The following WWOX variants were observed in gnomAD, a reference collection of about 807,000 sequenced individuals.
WWOX encodes the protein WW domain containing oxidoreductase.
In WWOX, 69 loss-of-function variants were observed where a neutral mutation model predicts 46.2. The ratio of observed to expected loss-of-function variants is 1.49; its 90% CI spans 1.23 to 1.82. The LOEUF (loss-of-function observed/expected upper bound fraction) is 1.82, where lower values mean the gene tolerates loss of function less well. WWOX is among the 40% of genes most tolerant of loss of function. The pLI, the probability that WWOX is intolerant of heterozygous loss-of-function variation, is 0.00. For missense variants in WWOX, 919 were observed against 542.6 expected, an observed-to-expected ratio of 1.69 and a Z score of -6.89; for synonymous variants, 359 against 202.6, an observed-to-expected ratio of 1.77 and a Z score of -6.56.
intron 8 of WWOX, among the ~76,000 whole-genome samples, chr16:78,701,880 C>T (rs2048224958): frequency 1.3e-5 from 2 of 151,080 alleles, no homozygotes; most frequent in South Asian, 4.2e-4. Flanking sequence ...AGGGAAAAGG[C>T]CCCAGTAATA....
intron 8 of WWOX, among the ~76,000 whole-genome samples, chr16:78,490,225 T>C (rs1273779966): frequency 7.1e-6 from 1 of 140,036 alleles, no homozygotes; most frequent in African/African-American, 2.9e-5. Flanking sequence ...AGCTGGGTGA[T>C]AATATATGGT....
chr16:78,722,783 G>C (rs1025805222), intron 8 of WWOX, among the ~76,000 whole-genome samples: 3 of 146,898 alleles, frequency 2.0e-5, no homozygotes, highest in Non-Finnish European at 4.4e-5. Flanking sequence ...GCTCATGGCT[G>C]TAATCTCAGC....
intron 8 of WWOX, among the ~76,000 whole-genome samples, chr16:78,475,837 T>G (rs973550947): frequency 2.6e-5 from 4 of 152,188 alleles, no homozygotes; most frequent in Non-Finnish European, 4.4e-5. Flanking sequence ...TCAAATGATC[T>G]GCCCACCTCA....
At chr16:78,761,998 C>G (rs779448585) in intron 8 of WWOX, among the ~76,000 whole-genome samples, 11 of 152,114 alleles carry the variant, frequency 7.2e-5, no homozygotes, top group Non-Finnish European at 1.2e-4. Context: ...GATGAATCAA[C>G]AAGTAAATAT....
At chr16:78,105,254 G>T (rs1389905211) in intron 1 of WWOX, among the ~76,000 whole-genome samples, 1 of 152,188 alleles carries the variant, frequency 6.6e-6, no homozygotes, top group African/African-American at 2.4e-5. Context: ...TTGAGGTCAG[G>T]AGTTCGAGAC....
At chr16:79,044,296 A>G (rs1423719271) in intron 8 of WWOX, among the ~76,000 whole-genome samples, 1 of 152,140 alleles carries the variant, frequency 6.6e-6, no homozygotes, top group Non-Finnish European at 1.5e-5. Flanking sequence ...TACAGCTTAG[A>G]TGTTGTCCCT....
intron 8 of WWOX, among the ~76,000 whole-genome samples, chr16:79,003,260 A>G (rs1415326176): frequency 6.6e-6 from 1 of 152,220 alleles, no homozygotes; most frequent in African/African-American, 2.4e-5. Context: ...GTATAAAAAT[A>G]GGCAATGAAA....
intron 5 of WWOX, among the ~76,000 whole-genome samples, chr16:78,289,989 TTTAG>T (rs1267835531): frequency 9.9e-5 from 15 of 152,216 alleles, no homozygotes; most frequent in African/African-American, 3.1e-4. Context: ...AGCCCGTGAA[TTTAG>T]TTAAAGGTTT....
At chr16:78,940,902 A>T (rs1004275387) in intron 8 of WWOX, among the ~76,000 whole-genome samples, 1 of 151,840 alleles carries the variant, frequency 6.6e-6, no homozygotes, top group Non-Finnish European at 1.5e-5. Context: ...CTTCATGTCT[A>T]TGCTGTCCAT....
chr16:78,697,604 C>G (rs764575092), intron 8 of WWOX, among the ~76,000 whole-genome samples: 1 of 152,112 alleles, frequency 6.6e-6, no homozygotes, highest in Non-Finnish European at 1.5e-5. Flanking sequence ...CATGAATAGA[C>G]AGTTCTCAAA....
chr16:78,960,296 G>C (rs1013369822), intron 8 of WWOX, among the ~76,000 whole-genome samples: 1 of 152,144 alleles, frequency 6.6e-6, no homozygotes, highest in African/African-American at 2.4e-5. Context: ...ATAGGACTAG[G>C]CTTCATATTT....
At chr16:78,707,034 G>A (rs1413878347) in intron 8 of WWOX, among the ~76,000 whole-genome samples, 1 of 152,148 alleles carries the variant, frequency 6.6e-6, no homozygotes, top group African/African-American at 2.4e-5. Flanking sequence ...TGTAAACCAT[G>A]GAATATTTTA....
intron 5 of WWOX, among the ~76,000 whole-genome samples, chr16:78,225,831 C>T (rs1339295584): frequency 6.6e-6 from 1 of 152,088 alleles, no homozygotes; most frequent in Non-Finnish European, 1.5e-5. Context: ...AGTATTTTTT[C>T]CTTATTTCCA....
intron 5 of WWOX, among the ~76,000 whole-genome samples, chr16:78,189,951 G>A (rs1271508930): frequency 6.6e-6 from 1 of 150,718 alleles, no homozygotes; most frequent in African/African-American, 2.5e-5. Flanking sequence ...CACCACGCCC[G>A]GCTCAAATCC....
At chr16:78,294,995 T>G (rs9933589) in intron 5 of WWOX, among the ~76,000 whole-genome samples, 42,295 of 152,076 alleles carry the variant, frequency 0.28, 6,136 homozygotes, top group Middle Eastern at 0.36. Flanking sequence ...GGTCTCCTGG[T>G]AGGCCATGCT....
chr16:78,468,935 C>A (rs1217105693), intron 8 of WWOX, among the ~76,000 whole-genome samples: 1 of 152,144 alleles, frequency 6.6e-6, no homozygotes, highest in African/African-American at 2.4e-5. Flanking sequence ...AAAGTATATT[C>A]AAGAGCGAAA....
At chr16:78,357,460 C>A (rs1355872298) in intron 5 of WWOX, among the ~76,000 whole-genome samples, 2 of 152,156 alleles carry the variant, frequency 1.3e-5, no homozygotes, top group East Asian at 3.9e-4. Context: ...TTGATTGAAT[C>A]AACCACTTGG....
chr16:78,943,158 T>C (rs2045884493), intron 8 of WWOX, among the ~76,000 whole-genome samples: 1 of 152,244 alleles, frequency 6.6e-6, no homozygotes, highest in Non-Finnish European at 1.5e-5. Context: ...TAAATAATAG[T>C]TGTCATTTGA....
chr16:78,917,535 T>A (rs1396985414), intron 8 of WWOX, among the ~76,000 whole-genome samples: 2 of 152,136 alleles, frequency 1.3e-5, no homozygotes, highest in Non-Finnish European at 2.9e-5. Flanking sequence ...CAAAATGGTC[T>A]GTTGGAAATT....
Sources: allele counts gnomAD v4.1 joint callset (sites outside exome capture counted in the v4.1 genomes callset), GRCh38; gene constraint gnomAD v4.1.1; transcripts MANE v1.5; gene names NCBI Gene and HGNC (gene_info 2026-07-23, HGNC 2026-07-21).